AFG2A: variants seen among roughly 807,000 people sequenced by gnomAD.
The protein encoded by AFG2A is ATPase family gene 2 protein homolog A.
the AFG2A span, among the ~76,000 whole-genome samples, chr4:123,074,918 T>A: frequency 6.6e-6 from 1 of 152,248 alleles, no homozygotes; most frequent in Admixed American, 6.5e-5. Flanking sequence ...AACATGGTAT[T>A]TTGGGCTTTT....
chr4:122,970,260 C>G, the AFG2A span, among the ~76,000 whole-genome samples: 2 of 152,116 alleles, frequency 1.3e-5, no homozygotes, highest in African/African-American at 2.4e-5. Context: ...TACACAAATA[C>G]TTACCATTGT....
At chr4:123,091,524 C>G in the AFG2A span, among the ~76,000 whole-genome samples, 1 of 152,166 alleles carries the variant, frequency 6.6e-6, no homozygotes, top group African/African-American at 2.4e-5. Context: ...AAGGTACATT[C>G]TAGCTATTTA....
At chr4:123,127,670 C>T in the AFG2A span, among the ~76,000 whole-genome samples, 2 of 151,990 alleles carry the variant, frequency 1.3e-5, no homozygotes, top group Admixed American at 1.3e-4. Flanking sequence ...GCCTCAGAAG[C>T]AGTATTTCTG....
chr4:122,999,039 G>C, the AFG2A span, among the ~76,000 whole-genome samples: 1 of 151,510 alleles, frequency 6.6e-6, no homozygotes, highest in Non-Finnish European at 1.5e-5. Flanking sequence ...TTGTGGTTTT[G>C]ATTTGCATTT....
chr4:122,961,362 G>C, the AFG2A span, among the ~76,000 whole-genome samples: 41 of 152,254 alleles, frequency 2.7e-4, no homozygotes, highest in East Asian at 3.1e-3. Flanking sequence ...GATTATCCTA[G>C]TATAAAAGAT....
the AFG2A span, among the ~76,000 whole-genome samples, chr4:123,118,323 A>ATATATAATTATAT: frequency 3.2e-5 from 3 of 93,990 alleles, no homozygotes; most frequent in Non-Finnish European, 7.0e-5. Flanking sequence ...AATATATATT[A>ATATATAATTATAT]TATATAATAT....
At chr4:123,007,542 GTGTATGTA>G in the AFG2A span, among the ~76,000 whole-genome samples, 1 of 109,672 alleles carries the variant, frequency 9.1e-6, no homozygotes, top group South Asian at 4.9e-4. Flanking sequence ...ATATATATAT[GTGTATGTA>G]TGTGTGTGTG....
At chr4:123,091,064 A>C in the AFG2A span, among the ~76,000 whole-genome samples, 2 of 152,196 alleles carry the variant, frequency 1.3e-5, no homozygotes, top group Non-Finnish European at 2.9e-5. Flanking sequence ...TCTGGAAAGC[A>C]CCCTGTTCCA....
chr4:123,128,489 T>G, the AFG2A span, among the ~76,000 whole-genome samples: 1 of 152,186 alleles, frequency 6.6e-6, no homozygotes, highest in East Asian at 1.9e-4. Context: ...ATCCGAAACA[T>G]CTACCCAAGA....
chr4:123,221,777 A>G, the AFG2A span, among the ~76,000 whole-genome samples: 2 of 152,096 alleles, frequency 1.3e-5, no homozygotes, highest in African/African-American at 4.8e-5. Context: ...ATACAAAAAA[A>G]TTAGACAGGC....
chr4:122,980,498 A>G, the AFG2A span, among the ~76,000 whole-genome samples: 3 of 152,098 alleles, frequency 2.0e-5, no homozygotes, highest in African/African-American at 7.2e-5. Context: ...GAGATACTTC[A>G]TTTCCTTTTG....
the AFG2A span, among the ~76,000 whole-genome samples, chr4:123,191,938 A>G: frequency 6.6e-6 from 1 of 151,952 alleles, no homozygotes; most frequent in Non-Finnish European, 1.5e-5. Context: ...TAACATCATC[A>G]GATTTATCAG....
At chr4:123,006,984 G>C in the AFG2A span, among the ~76,000 whole-genome samples, 3 of 149,192 alleles carry the variant, frequency 2.0e-5, no homozygotes, top group Non-Finnish European at 4.4e-5. Context: ...CCATGGTCTT[G>C]GGGGCTAGAG....
At chr4:123,088,582 C>T in the AFG2A span, among the ~76,000 whole-genome samples, 48 of 152,246 alleles carry the variant, frequency 3.2e-4, no homozygotes, top group African/African-American at 1.1e-3. Flanking sequence ...TTGTAATCCC[C>T]GTATGTTGGA....
At chr4:123,262,015 A>G in the AFG2A span, among the ~76,000 whole-genome samples, 17 of 152,074 alleles carry the variant, frequency 1.1e-4, no homozygotes, top group African/African-American at 3.4e-4. Context: ...GCCTCAAGCA[A>G]TCCTCCTATC....
the AFG2A span, chr4:123,314,714 A>T: frequency 7.4e-4 from 112 of 151,456 alleles, no homozygotes; most frequent in African/African-American, 2.5e-3. Context: ...GCCCACTCTA[A>T]GCCTAGATCA....
At chr4:123,252,151 AT>A in the AFG2A span, among the ~76,000 whole-genome samples, 1 of 152,240 alleles carries the variant, frequency 6.6e-6, no homozygotes, top group East Asian at 1.9e-4. Flanking sequence ...CAAACCTTTT[AT>A]TTTGTTTCTA....
At chr4:123,173,481 G>T in the AFG2A span, among the ~76,000 whole-genome samples, 1 of 149,112 alleles carries the variant, frequency 6.7e-6, no homozygotes, top group Non-Finnish European at 1.5e-5. Context: ...TCAGCCTCCC[G>T]AGTAGCTGGG....
chr4:122,973,435 T>G, the AFG2A span, among the ~76,000 whole-genome samples: 1 of 152,210 alleles, frequency 6.6e-6, no homozygotes, highest in South Asian at 2.1e-4. Context: ...ATGTACTTCC[T>G]TATTTGCCCC....
Sources: gnomAD v4.1 joint callset for allele counts (sites outside exome capture counted in the v4.1 genomes callset) on GRCh38, gnomAD v4.1.1 for gene constraint, MANE v1.5 for transcripts, NCBI Gene and HGNC (gene_info 2026-07-23, HGNC 2026-07-21) for gene names.